ARMH4: variants seen among roughly 807,000 people sequenced by gnomAD.
ARMH4 encodes armadillo like helical domain containing 4.
ARMH4 carries 49 observed loss-of-function variants against 61.9 expected under a neutral mutation model. That is an observed-to-expected ratio of 0.79 (90% confidence interval 0.63 to 1.00). The LOEUF is 1.00. Ranked by LOEUF, ARMH4 falls within the 50% of genes least tolerant of loss-of-function variation. The pLI, the probability that ARMH4 is intolerant of heterozygous loss-of-function variation, is 0.00. For synonymous variants in ARMH4, 368 were observed against 341.5 expected, an observed-to-expected ratio of 1.08 and a Z score of -0.85; for missense variants, 934 against 930.0, an observed-to-expected ratio of 1.00 and a Z score of -0.06.
intron 5 of ARMH4, among the ~76,000 whole-genome samples, chr14:58,058,681 G>A (rs549163806): frequency 5.9e-5 from 9 of 152,176 alleles, no homozygotes; most frequent in Non-Finnish European, 1.0e-4. Flanking sequence ...CAGAGGTCAC[G>A]TTCGTGGCCA....
chr14:58,016,154 ATT>A (rs1882606177), intron 5 of ARMH4, among the ~76,000 whole-genome samples: 2 of 152,106 alleles, frequency 1.3e-5, no homozygotes, highest in African/African-American at 4.8e-5. Flanking sequence ...GTGCACAAAA[ATT>A]TTGTTTAAAT....
chr14:58,012,935 G>GT (rs987190298), intron 5 of ARMH4, among the ~76,000 whole-genome samples: 14 of 145,272 alleles, frequency 9.6e-5, no homozygotes, highest in African/African-American at 2.9e-4. Flanking sequence ...TTTGTTGGTG[G>GT]TTTTTTACCC....
chr14:58,015,074 G>A (rs17094212), intron 5 of ARMH4, among the ~76,000 whole-genome samples: 26,671 of 152,110 alleles, frequency 0.18, 3,155 homozygotes, highest in East Asian at 0.56. Context: ...ACTGTAGGAA[G>A]CTCATCGCCA....
At chr14:58,134,956 CAAAAAA>C (rs199939980) in intron 2 of ARMH4, among the ~76,000 whole-genome samples, 7 of 73,866 alleles carry the variant, frequency 9.5e-5, no homozygotes, top group African/African-American at 2.9e-4. Flanking sequence ...GACTCTGTCT[CAAAAAA>C]AAAAAAAAAA....
chr14:58,062,012 A>G (rs1884546810), intron 5 of ARMH4, among the ~76,000 whole-genome samples: 1 of 151,722 alleles, frequency 6.6e-6, no homozygotes, highest in Admixed American at 6.6e-5. Flanking sequence ...AGGGGCTCAG[A>G]AAGTCTAGCT....
At chr14:58,057,159 T>G (rs1884371964) in intron 5 of ARMH4, among the ~76,000 whole-genome samples, 1 of 152,234 alleles carries the variant, frequency 6.6e-6, no homozygotes, top group Non-Finnish European at 1.5e-5. Context: ...ACCAATATAG[T>G]ATATAACCTA....
At position 58,005,202 on chromosome 14, in the gene ARMH4, C is replaced by T. The variant is rs191601074; in HGVS notation, c.2122-20G>A. 3.6e-4 allele frequency: 588 copies of T among 1,613,774 alleles called. 1 individual carries two copies. In the African/African-American group the frequency reaches 7.2e-3, roughly 20 times the overall value. ...ACCAGCCTGCATAGAAAAGGAAACACACATTAGGATGCTAAACAGAGCGCG... is the reference window on the plus strand; with the variant it reads ...ACCAGCCTGCATAGAAAAGGAAACATACATTAGGATGCTAAACAGAGCGCG... On this transcript the variant is annotated intron_variant, in intron 6 of 7. Coordinates refer to ENST00000267485, the MANE Select transcript of ARMH4 (RefSeq NM_001001872.4).
At chr14:58,133,410 T>G in intron 2 of ARMH4, 69 bp from the exon 3 acceptor site, 58 of 1,325,466 alleles carry the variant, frequency 4.4e-5, no homozygotes, top group Non-Finnish European at 4.3e-5. Context: ...AATCATGATA[T>G]GATTAAAAAC....
intron 5 of ARMH4, among the ~76,000 whole-genome samples, chr14:58,042,238 T>C (rs1883745755): frequency 6.6e-6 from 1 of 152,198 alleles, no homozygotes; most frequent in Non-Finnish European, 1.5e-5. Flanking sequence ...ACAGAAATTA[T>C]AACAAACTGT....
intron 5 of ARMH4, among the ~76,000 whole-genome samples, chr14:58,014,224 AC>A (rs2141136791): frequency 6.6e-6 from 1 of 152,110 alleles, no homozygotes; most frequent in East Asian, 1.9e-4. Flanking sequence ...CCTTGTCAAG[AC>A]CTCTCTCTTG....
At chr14:58,065,222 CAG>C (rs1383017930) in intron 5 of ARMH4, among the ~76,000 whole-genome samples, 1 of 152,072 alleles carries the variant, frequency 6.6e-6, no homozygotes, top group Non-Finnish European at 1.5e-5. Context: ...AGCCTGACAA[CAG>C]AGTGAGACTC....
At chr14:58,079,758 T>C (rs773944933) in intron 5 of ARMH4, among the ~76,000 whole-genome samples, 17 of 152,242 alleles carry the variant, frequency 1.1e-4, no homozygotes, top group Non-Finnish European at 2.1e-4. Context: ...CCAACCCTGC[T>C]CTGACTAGGA....
chr14:58,088,387 T>C (rs117546583), intron 5 of ARMH4, among the ~76,000 whole-genome samples: 68 of 152,218 alleles, frequency 4.5e-4, no homozygotes, highest in Non-Finnish European at 7.6e-4. Flanking sequence ...CTTTTACATG[T>C]TCATCCTCAC....
intron 2 of ARMH4, among the ~76,000 whole-genome samples, chr14:58,135,229 C>T (rs1246553511): frequency 3.9e-5 from 6 of 152,160 alleles, no homozygotes; most frequent in Admixed American, 2.0e-4. Context: ...CATATTTGCA[C>T]TCTATACCAT....
At position 58,133,312 on chromosome 14, in the gene ARMH4, C is replaced by A. The variant is rs1887187723; in HGVS notation, c.1399G>T (p.Val467Phe). 1.2e-6 allele frequency: 2 copies of A among 1,613,482 alleles called. No individual in the cohort carries two copies. The change falls in exon 3 of 8, where the codon GTT (valine) becomes TTT (phenylalanine). Residue 467 changes from valine (V) to phenylalanine (F), a missense_variant. Transcript: ENST00000267485. The part of the protein sequence containing the change: ...DIITQEMTTA[V>F]QEPDATLSMV... The stretch of plus-strand genomic sequence containing the variant: ...GATAAAGTGGCATCTGGCTCTTGAA[C>A]AGCTGTTGTCATCTCTTGAGTGATG...
chr14:58,133,175 C>T lies in ARMH4; in HGVS notation c.1536G>A (p.Gln512=). Residue 512 remains glutamine, a synonymous_variant, in exon 3 of 8, where the codon CAG becomes CAA. Transcript: ENST00000267485. ...CCAGAGGCTCCCATCTTCTTGACAGCTGAGTAACACCAGGAACGTCAGACA... is the reference window on the plus strand; with the variant it reads ...CCAGAGGCTCCCATCTTCTTGACAGTTGAGTAACACCAGGAACGTCAGACA... ...SPVSDVPGVT[Q]LSRRWEPLAT... is the part of the protein sequence containing the mutation. The T allele has an allele frequency of 7.4e-6, 12 of 1,614,126 alleles. No homozygotes were observed. The highest frequency in any genetic ancestry group is 1.0e-5 in the Non-Finnish European group (12 of 1,180,032).
intron 5 of ARMH4, among the ~76,000 whole-genome samples, chr14:58,073,811 G>C (rs1185627447): frequency 2.0e-5 from 3 of 152,178 alleles, no homozygotes; most frequent in African/African-American, 4.8e-5. Flanking sequence ...CTTGGAGCAA[G>C]TTATGAACTA....
chr14:58,138,160 GGGGTA>G lies in ARMH4; in HGVS notation c.1194_1198del (p.Thr399HisfsTer44). The G allele has an allele frequency of 6.2e-7, 1 of 1,614,124 alleles. No individual in the cohort carries two copies. The highest frequency in any genetic ancestry group is 8.5e-7 in the Non-Finnish European group (1 of 1,180,034). On this transcript the variant is annotated frameshift_variant, in exon 2 of 8. Coordinates refer to ENST00000267485, the MANE Select transcript of ARMH4 (RefSeq NM_001001872.4). LOFTEE classifies it high-confidence loss of function. ...TTTCATGTCTTCCATCAGACTTGTG[GGGGTA>G]AAGGAACTTTGATCAGTGAAAGCAG...
At chr14:58,013,313 A>T (rs1225711981) in intron 5 of ARMH4, among the ~76,000 whole-genome samples, 1 of 152,238 alleles carries the variant, frequency 6.6e-6, no homozygotes. Flanking sequence ...AATAAACTTT[A>T]TTTATGGATA....
Sources: gnomAD v4.1 joint callset for allele counts (sites outside exome capture counted in the v4.1 genomes callset) on GRCh38, gnomAD v4.1.1 for gene constraint, MANE v1.5 for transcripts, NCBI Gene and HGNC (gene_info 2026-07-23, HGNC 2026-07-21) for gene names.